Variants in ATP8B4 observed in about 807,000 individuals in gnomAD.
The protein encoded by ATP8B4 is ATPase phospholipid transporting 8B4 (putative), also known as probable phospholipid-transporting ATPase IM.
Under a neutral mutation model 145.6 loss-of-function variants are expected in ATP8B4, and 133 were observed. That is an observed-to-expected ratio of 0.91 (90% CI 0.79 to 1.05). The LOEUF is 1.05. Ranked by LOEUF, ATP8B4 falls within the 50% of genes least tolerant of loss-of-function variation. ATP8B4 has a pLI of 0.00. For synonymous variants in ATP8B4, 507 were observed against 492.9 expected, an observed-to-expected ratio of 1.03 and a Z score of -0.38; for missense variants, 1,458 against 1,425.2, an observed-to-expected ratio of 1.02 and a Z score of -0.37.
At chr15:50,060,508 A>G (rs2052932818) in intron 3 of ATP8B4, among the ~76,000 whole-genome samples, 1 of 152,106 alleles carries the variant, frequency 6.6e-6, no homozygotes, top group Non-Finnish European at 1.5e-5. Flanking sequence ...AATTCCTCCA[A>G]TCCTTCATTT....
intron 6 of ATP8B4, among the ~76,000 whole-genome samples, chr15:50,030,306 G>A (rs1161558285): frequency 2.6e-5 from 4 of 152,086 alleles, no homozygotes; most frequent in Non-Finnish European, 4.4e-5. Context: ...ATAGAACTTG[G>A]TGTATCTTTA....
chr15:49,998,142 C>T (rs1039224554), intron 8 of ATP8B4, among the ~76,000 whole-genome samples: 6 of 152,152 alleles, frequency 3.9e-5, no homozygotes, highest in South Asian at 2.1e-4. Context: ...TCCTCAGGAT[C>T]CTCTCCACTA....
intron 1 of ATP8B4, among the ~76,000 whole-genome samples, chr15:50,114,103 CTTT>C (rs755159123): frequency 1.2e-3 from 66 of 55,656 alleles, no homozygotes; most frequent in African/African-American, 4.2e-3. Flanking sequence ...CTCCTAGTTT[CTTT>C]TTTTTTTTTT....
Position 50,107,005 on chromosome 15 carries a change from C to G in ATP8B4, c.-39G>C, listed in dbSNP as rs2056717292. On this transcript the variant is annotated 5_prime_UTR_variant, in exon 2 of 28. Transcript: ENST00000284509. Reference sequence around the variant, plus strand: ...CTTTCACCAGGTCTCAACAGGTGGCCTACCTAAGAAAAAGAAGTATGCATA... The same window carrying G: ...CTTTCACCAGGTCTCAACAGGTGGCGTACCTAAGAAAAAGAAGTATGCATA... 3.3e-6 allele frequency: 5 copies of G among 1,537,832 alleles called. No individual in the cohort carries two copies. The East Asian group carries it at 1.2e-4, about 36-fold the overall frequency.
intron 14 of ATP8B4, among the ~76,000 whole-genome samples, chr15:49,950,629 A>G (rs1378161403): frequency 1.1e-5 from 1 of 89,218 alleles, no homozygotes; most frequent in Admixed American, 1.1e-4. Flanking sequence ...CAAAAAAAAC[A>G]ACAACAACAA....
intron 1 of ATP8B4, among the ~76,000 whole-genome samples, chr15:50,109,497 C>A (rs2153670170): frequency 6.6e-6 from 1 of 152,056 alleles, no homozygotes; most frequent in East Asian, 1.9e-4. Flanking sequence ...CCCACTTGGC[C>A]AGAGGGTAAA....
At chr15:50,156,152 ATAT>A (rs1158330421) in intron 1 of ATP8B4, among the ~76,000 whole-genome samples, 19 of 40,274 alleles carry the variant, frequency 4.7e-4, no homozygotes, top group South Asian at 9.9e-4. Flanking sequence ...ATATATATAT[ATAT>A]TTGTTTGCTG....
At chr15:49,973,548 G>A (rs2045372700) in intron 12 of ATP8B4, among the ~76,000 whole-genome samples, 1 of 152,178 alleles carries the variant, frequency 6.6e-6, no homozygotes, top group Admixed American at 6.5e-5. Context: ...CAAATACTGA[G>A]TGAAAACAGG....
At chr15:49,988,178 TAGA>T (rs2153543455) in intron 9 of ATP8B4, among the ~76,000 whole-genome samples, 1 of 152,354 alleles carries the variant, frequency 6.6e-6, no homozygotes, top group Non-Finnish European at 1.5e-5. Flanking sequence ...CCTAACTGGC[TAGA>T]AGATGTTTCT....
chr15:50,087,151 T>A lies in ATP8B4; in HGVS notation c.29-12966A>T, dbSNP rs187941170. ...TATATAGATCTATATTTATTATATA[T>A]AATATATAGATCTCTATTATATATA... On this transcript the variant is annotated intron_variant, in intron 2 of 27. Transcript: ENST00000284509. Among the ~76,000 whole-genome samples, 829 of 127,180 alleles carry A rather than the reference T, an allele frequency of 6.5e-3. 15 individuals carry two copies. Among genetic ancestry groups the A allele is most frequent in the African/African-American group, 0.025 (790 of 32,122 alleles). 83.4% of individuals were successfully genotyped at this position (127,180 alleles called of 152,430 possible).
At chr15:50,047,776 T>C (rs185046026) in intron 3 of ATP8B4, among the ~76,000 whole-genome samples, 1 of 152,268 alleles carries the variant, frequency 6.6e-6, no homozygotes, top group African/African-American at 2.4e-5. Flanking sequence ...CTGTATGCAG[T>C]ATTGAGTTCC....
At chr15:50,004,030 C>T (rs535528936) in intron 7 of ATP8B4, among the ~76,000 whole-genome samples, 16 of 152,276 alleles carry the variant, frequency 1.1e-4, no homozygotes, top group Non-Finnish European at 1.6e-4. Context: ...CGCCTACCTT[C>T]CCCACCTCCG....
chr15:50,136,030 T>C (rs2044117003), intron 1 of ATP8B4, among the ~76,000 whole-genome samples: 1 of 152,184 alleles, frequency 6.6e-6, no homozygotes, highest in African/African-American at 2.4e-5. Context: ...GATATAACCA[T>C]GACATTTAAA....
At chr15:49,968,975 C>G (rs923070020) in intron 13 of ATP8B4, among the ~76,000 whole-genome samples, 4 of 152,200 alleles carry the variant, frequency 2.6e-5, no homozygotes, top group African/African-American at 9.7e-5. Context: ...GAAATTCACT[C>G]AAAACCACAC....
intron 1 of ATP8B4, among the ~76,000 whole-genome samples, chr15:50,150,612 G>A (rs1301179845): frequency 1.3e-5 from 2 of 152,216 alleles, no homozygotes; most frequent in Admixed American, 6.5e-5. Context: ...AGTTTGAAGC[G>A]AAGCTCTCAG....
intron 1 of ATP8B4, among the ~76,000 whole-genome samples, chr15:50,133,097 C>A (rs1420868228): frequency 6.6e-6 from 1 of 152,064 alleles, no homozygotes; most frequent in Non-Finnish European, 1.5e-5. Context: ...TATTCCAGAA[C>A]TTAAAGTATA....
In ATP8B4 at chr15:49,876,280, G is replaced by A; in HGVS notation, c.3025C>T (p.Gln1009Ter). ...ATSLVIVVSV[Q>*]IALDTSYWTF... ...GGTGCTTACACCGACAGCGTTACCTGCACACTGACCACAATGACCAAAGAT... is the reference window on the plus strand; with the variant it reads ...GGTGCTTACACCGACAGCGTTACCTACACACTGACCACAATGACCAAAGAT... Residue 1009 changes from glutamine (Q) to a stop codon, truncating the protein, a stop_gained and splice_region_variant, in exon 25 of 28, where the codon CAG (glutamine) becomes TAG (stop). Transcript: ENST00000284509. LOFTEE classifies it high-confidence loss of function. The A allele has an allele frequency of 6.2e-7, 1 of 1,613,918 alleles. No homozygotes were observed. Among genetic ancestry groups the A allele is most frequent in the Middle Eastern group, 1.7e-4 (1 of 6,056 alleles).
chr15:49,935,440 A>T (rs887849406), intron 14 of ATP8B4, among the ~76,000 whole-genome samples: 1 of 152,126 alleles, frequency 6.6e-6, no homozygotes, highest in African/African-American at 2.4e-5. Context: ...ATAATTCTGG[A>T]TTATTTCCCT....
intron 20 of ATP8B4, among the ~76,000 whole-genome samples, chr15:49,911,116 C>T (rs979987664): frequency 2.0e-5 from 3 of 151,980 alleles, no homozygotes; most frequent in Admixed American, 1.3e-4. Context: ...AACAATGTGA[C>T]AGGAACAAAA....
Sources: allele counts gnomAD v4.1 joint callset (sites outside exome capture counted in the v4.1 genomes callset), GRCh38; gene constraint gnomAD v4.1.1; transcripts MANE v1.5; gene names NCBI Gene and HGNC (gene_info 2026-07-23, HGNC 2026-07-21).